NASP: variants seen among roughly 807,000 people sequenced by gnomAD.
The protein encoded by NASP is NASP histone chaperone.
A neutral mutation model predicts 89.5 loss-of-function variants in NASP; 24 were observed. That is an observed-to-expected ratio of 0.27 (90% confidence interval 0.19 to 0.38). The LOEUF is 0.38. Ranked by LOEUF, NASP falls within the 10% of genes least tolerant of loss-of-function variation. NASP has a pLI of 1.00. For missense variants in NASP, 848 were observed against 921.4 expected, an observed-to-expected ratio of 0.92 and a Z score of 1.03; for synonymous variants, 306 against 324.7, an observed-to-expected ratio of 0.94 and a Z score of 0.62.
intron 2 of NASP, among the ~76,000 whole-genome samples, chr1:45,592,201 T>G (rs960394112): frequency 1.3e-5 from 2 of 152,186 alleles, no homozygotes; most frequent in Non-Finnish European, 2.9e-5. Flanking sequence ...GCCAGGTTGG[T>G]CTTGAACTCC....
chr1:45,587,177 C>T (rs77995277), intron 1 of NASP, among the ~76,000 whole-genome samples: 1 of 151,792 alleles, frequency 6.6e-6, no homozygotes, highest in Non-Finnish European at 1.5e-5. Flanking sequence ...CTAACTAGTT[C>T]TTAGTTGGTT....
chr1:45,614,443 G>T, intron 9 of NASP, 77 bp downstream of exon 9: 1 of 1,159,850 alleles, frequency 8.6e-7, no homozygotes, highest in South Asian at 1.2e-5. Context: ...CTCTGGAACC[G>T]AACTTGATCT....
intron 1 of NASP, chr1:45,588,869 A>G (rs987167014): frequency 2.0e-5 from 5 of 245,708 alleles, no homozygotes; most frequent in Non-Finnish European, 3.3e-5. Context: ...GTGAGCCGAG[A>G]TCGAGATCGC....
chr1:45,606,343 C>T, intron 4 of NASP, 139 bp from the exon 5 acceptor site: 2 of 589,880 alleles, frequency 3.4e-6, no homozygotes, highest in Non-Finnish European at 6.0e-6. Context: ...TCATTGCTTC[C>T]TTGAATATAC....
intron 2 of NASP, chr1:45,600,581 A>T (rs189882556): frequency 1.7e-6 from 1 of 587,928 alleles, no homozygotes; most frequent in East Asian, 1.3e-4. Context: ...TATGATGTAG[A>T]TATATCACAA....
At chr1:45,616,590 G>T in intron 12 of NASP, 36 bp from the exon 13 acceptor site, 3 of 1,594,292 alleles carry the variant, frequency 1.9e-6, no homozygotes, top group Non-Finnish European at 2.6e-6. Context: ...ATCTCATATA[G>T]CTTGTACAAT....
intron 6 of NASP, 149 bp from the exon 7 acceptor site, chr1:45,613,020 G>A: frequency 8.8e-7 from 1 of 1,142,058 alleles, no homozygotes; most frequent in Non-Finnish European, 1.2e-6. Flanking sequence ...TGCACCCACT[G>A]ACGATATATT....
chr1:45,602,172 A>G (rs1643862720), intron 2 of NASP, 83 bp from the exon 3 acceptor site: 3 of 1,498,070 alleles, frequency 2.0e-6, no homozygotes, highest in Non-Finnish European at 2.7e-6. Context: ...TTAAAAAATG[A>G]AACTATTGCT....
intron 2 of NASP, among the ~76,000 whole-genome samples, chr1:45,596,327 CT>C (rs1374284287): frequency 6.6e-6 from 1 of 152,162 alleles, no homozygotes; most frequent in Non-Finnish European, 1.5e-5. Flanking sequence ...CCAATCTTAT[CT>C]TGCAAATCTG....
At position 45,585,003 on chromosome 1, in the gene NASP, T is replaced by G. The variant is rs569947831; in HGVS notation, c.59+798T>G. Among the ~76,000 whole-genome samples the G allele has an allele frequency of 7.2e-5, 11 of 152,328 alleles. No individual in the cohort carries two copies. In the East Asian group the frequency reaches 2.1e-3, roughly 29 times the overall value. ...GAACATTACCGGACGTAAAGCGTCT[T>G]CAGGAAGCGCTGTCTGGAGCTCTCA... On this transcript the variant is annotated intron_variant, in intron 1 of 14. Transcript: ENST00000350030.
chr1:45,599,344 T>C (rs1643778112), intron 2 of NASP, among the ~76,000 whole-genome samples: 1 of 152,156 alleles, frequency 6.6e-6, no homozygotes, highest in Non-Finnish European at 1.5e-5. Flanking sequence ...TGGGCTCAAG[T>C]GATCCTCCCA....
At chr1:45,604,899 T>C (rs763810093) in intron 3 of NASP, 37 bp from the exon 4 acceptor site, 2 of 1,424,820 alleles carry the variant, frequency 1.4e-6, no homozygotes, top group East Asian at 2.3e-5. Context: ...TTAGATTAGA[T>C]GGTAATTCAG....
intron 6 of NASP, chr1:45,611,688 A>T (rs1157264494): frequency 6.6e-6 from 1 of 150,798 alleles, no homozygotes; most frequent in African/African-American, 2.4e-5. Flanking sequence ...GGATGGTCCC[A>T]ATCTCCTGAC....
intron 9 of NASP, 78 bp downstream of exon 9, chr1:45,614,444 A>G (rs1644067857): frequency 8.7e-7 from 1 of 1,154,492 alleles, no homozygotes; most frequent in African/African-American, 1.5e-5. Flanking sequence ...TCTGGAACCG[A>G]ACTTGATCTT....
At chr1:45,584,493 C>G (rs1022162642) in intron 1 of NASP, among the ~76,000 whole-genome samples, 1 of 152,216 alleles carries the variant, frequency 6.6e-6, no homozygotes, top group Non-Finnish European at 1.5e-5. Context: ...TCCTTCCTCC[C>G]CCAGCCCGGG....
intron 8 of NASP, 24 bp downstream of exon 8, chr1:45,614,205 C>CTTGG (rs1386248466): frequency 6.2e-7 from 1 of 1,601,328 alleles, no homozygotes; most frequent in East Asian, 2.2e-5. Flanking sequence ...TGCTTCTAGG[C>CTTGG]TTGGGTTGGG....
chr1:45,600,432 G>A (rs867001671), intron 2 of NASP: 2 of 1,284,162 alleles, frequency 1.6e-6, no homozygotes, highest in Middle Eastern at 2.2e-4. Context: ...GCATTTTGTA[G>A]AATATTATCT....
Position 45,607,875 on chromosome 1 carries a change from G to C in NASP, c.964G>C (p.Glu322Gln). 6.2e-7 allele frequency: 1 copy of C among 1,614,178 alleles called. No individual in the cohort carries two copies. The highest frequency in any genetic ancestry group is 8.5e-7 in the Non-Finnish European group (1 of 1,180,032). The stretch of plus-strand genomic sequence containing the variant: ...GCCAGAGGAGAAGGTAGTTACCTCT[G>C]AAAACGAGGCAGGAAAGGCGGTTCT... ...DEPEEKVVTSENEAGKAVLEQ... is the reference protein window; with the variant it reads ...DEPEEKVVTSQNEAGKAVLEQ... The change falls in exon 6 of 15, where the codon GAA becomes CAA. Residue 322 changes from glutamate (E) to glutamine (Q), a missense_variant. Transcript: ENST00000350030.
At chr1:45,599,888 T>C (rs1251978390) in intron 2 of NASP, among the ~76,000 whole-genome samples, 1 of 152,172 alleles carries the variant, frequency 6.6e-6, no homozygotes, top group African/African-American at 2.4e-5. Flanking sequence ...TCAAATATTT[T>C]AAGCAAGCTT....
Sources: gnomAD v4.1 joint callset for allele counts (sites outside exome capture counted in the v4.1 genomes callset) on GRCh38, gnomAD v4.1.1 for gene constraint, MANE v1.5 for transcripts, NCBI Gene and HGNC (gene_info 2026-07-23, HGNC 2026-07-21) for gene names.